The following LGR5 variants were observed in gnomAD, a reference collection of about 807,000 sequenced individuals.
The protein encoded by LGR5 is leucine rich repeat containing G protein-coupled receptor 5.
In LGR5, 54 loss-of-function variants were observed where a neutral mutation model predicts 76.7. The observed-to-expected ratio is 0.70, with a 90% CI of 0.57 to 0.88. The LOEUF (loss-of-function observed/expected upper bound fraction) is 0.88. Ranked by LOEUF, LGR5 falls within the 40% of genes least tolerant of loss-of-function variation. LGR5 has a pLI of 0.00. For synonymous variants in LGR5, 406 were observed against 421.9 expected (o/e 0.96, Z 0.46); for missense variants, 1,078 against 1,073.3 (o/e 1.00, Z -0.06).
At chr12:71,568,586 C>T (rs1349685623) in intron 11 of LGR5, among the ~76,000 whole-genome samples, 1 of 152,118 alleles carries the variant, frequency 6.6e-6, no homozygotes, top group East Asian at 1.9e-4. Context: ...AGCATTTTCA[C>T]CTATAATATT....
chr12:71,522,578 A>T (rs1186755535), intron 2 of LGR5, among the ~76,000 whole-genome samples: 2 of 152,170 alleles, frequency 1.3e-5, no homozygotes, highest in Non-Finnish European at 2.9e-5. Flanking sequence ...TTATAAAACA[A>T]TACTTCAGCC....
chr12:71,489,517 T>G (rs1030003114), intron 1 of LGR5, among the ~76,000 whole-genome samples: 1 of 152,216 alleles, frequency 6.6e-6, no homozygotes, highest in Non-Finnish European at 1.5e-5. Flanking sequence ...TTGCATATTT[T>G]AACAATTTCA....
At position 71,507,991 on chromosome 12, in the gene LGR5, C is replaced by A. The variant is rs187381035; in HGVS notation, c.284+3306C>A. On this transcript the variant is annotated intron_variant, in intron 2 of 17. Coordinates refer to ENST00000266674, the MANE Select transcript of LGR5 (RefSeq NM_003667.4). ...ATCCCAGCACTTTCGGAGGCCAAGG[C>A]GGGCAGATCACGAGTTCAGGAGATC... is the stretch of plus-strand genomic sequence containing the variant. Among the ~76,000 whole-genome samples the A allele has an allele frequency of 2.0e-5, 3 of 150,452 alleles. 1 individual carries two copies. Among genetic ancestry groups the A allele is most frequent in the South Asian group, 4.2e-4 (2 of 4,740 alleles).
intron 1 of LGR5, among the ~76,000 whole-genome samples, chr12:71,462,234 C>T (rs1872711791): frequency 6.6e-6 from 1 of 152,156 alleles, no homozygotes; most frequent in Non-Finnish European, 1.5e-5. Context: ...TCATACCCAG[C>T]TGTGCTCCAA....
intron 1 of LGR5, among the ~76,000 whole-genome samples, chr12:71,493,194 C>T (rs1262665580): frequency 6.6e-6 from 1 of 151,318 alleles, no homozygotes; most frequent in Non-Finnish European, 1.5e-5. Context: ...TCGTTTCCAG[C>T]AGTTTTTCGG....
intron 1 of LGR5, among the ~76,000 whole-genome samples, chr12:71,486,919 A>C (rs1400846788): frequency 1.3e-5 from 2 of 152,184 alleles, no homozygotes; most frequent in Non-Finnish European, 2.9e-5. Flanking sequence ...CTCCTTTATG[A>C]GGGCCACTTC....
rs377443310 is a variant in LGR5, at chr12:71,504,568, T to C, written c.213-46T>C. On this transcript the variant is annotated intron_variant, in intron 1 of 17. Transcript: ENST00000266674. ...TGAATTGAACAGCTGGATTTCCTTG[T>C]GGTGGCATTTGCTGCTCCTCACACG... The C allele has an allele frequency of 1.1e-5, 16 of 1,419,932 alleles. No homozygotes were observed. The African/African-American group carries it at 2.1e-4, about 19-fold the overall frequency. The allele number at this position is 1,419,932 out of a possible 1,614,324, so 88.0% of individuals were successfully genotyped here.
chr12:71,505,559 C>A (rs185865894), intron 2 of LGR5, among the ~76,000 whole-genome samples: 1 of 152,148 alleles, frequency 6.6e-6, no homozygotes, highest in East Asian at 1.9e-4. Flanking sequence ...AAGTCAGAGT[C>A]CAATTTGGGG....
intron 4 of LGR5, among the ~76,000 whole-genome samples, chr12:71,550,598 C>T (rs917246239): frequency 2.0e-5 from 3 of 151,732 alleles, no homozygotes; most frequent in Admixed American, 6.6e-5. Context: ...GTAGCTGGGA[C>T]TACAGATGTG....
chr12:71,508,232 C>T (rs1202405501), intron 2 of LGR5, among the ~76,000 whole-genome samples: 1 of 151,740 alleles, frequency 6.6e-6, no homozygotes, highest in African/African-American at 2.4e-5. Context: ...GTCTCAAAAA[C>T]AAACAAAAAA....
Position 71,566,859 on chromosome 12 carries a change from G to A in LGR5, c.1017G>A (p.Gln339=). The change falls in exon 11 of 18, where the codon CAG becomes CAA. Residue 339 remains glutamine, a synonymous_variant. Coordinates refer to ENST00000266674, the MANE Select transcript of LGR5 (RefSeq NM_003667.4). ...NLESLTLTGA[Q]ISSLPQTVCN... ...TTAACAGGACTTTAACTGGAGCACA[G>A]ATCTCATCTCTTCCTCAAACCGTCT... 1 of 1,613,754 alleles carries A rather than the reference G, an allele frequency of 6.2e-7. No homozygotes were observed. The highest frequency in any genetic ancestry group is 8.5e-7 in the Non-Finnish European group (1 of 1,179,686).
At chr12:71,460,340 G>C (rs1872639041) in intron 1 of LGR5, among the ~76,000 whole-genome samples, 1 of 152,118 alleles carries the variant, frequency 6.6e-6, no homozygotes, top group Non-Finnish European at 1.5e-5. Flanking sequence ...GGAGAAGTTG[G>C]CTAAACTTAC....
intron 1 of LGR5, among the ~76,000 whole-genome samples, chr12:71,443,992 T>A (rs1871878250): frequency 6.6e-6 from 1 of 151,960 alleles, no homozygotes; most frequent in Non-Finnish European, 1.5e-5. Flanking sequence ...TACACATAAC[T>A]CCTAAAACTA....
At chr12:71,533,643 T>A (rs1876439477) in intron 3 of LGR5, among the ~76,000 whole-genome samples, 1 of 152,198 alleles carries the variant, frequency 6.6e-6, no homozygotes, top group African/African-American at 2.4e-5. Context: ...ACAAAAATTA[T>A]TAGTTTCGAG....
intron 6 of LGR5, 149 bp from the exon 7 acceptor site, chr12:71,559,437 G>A (rs1238469436): frequency 1.2e-5 from 7 of 578,012 alleles, no homozygotes; most frequent in Admixed American, 3.2e-5. Flanking sequence ...TAGTCAGCAA[G>A]CCAAGAAAAT....
chr12:71,584,468 T>C lies in LGR5; in HGVS notation c.2458T>C (p.Tyr820His). 1.9e-6 allele frequency: 3 copies of C among 1,614,170 alleles called. No individual in the cohort carries two copies. Among genetic ancestry groups the C allele is most frequent in the Non-Finnish European group, 2.5e-6 (3 of 1,180,018 alleles). ...PLPACLNPLL[Y>H]ILFNPHFKED... is the part of the protein sequence containing the mutation. ...TCCTGCATGTCTCAATCCCCTTCTC[T>C]ACATCTTGTTCAATCCTCACTTTAA... The change falls in exon 18 of 18, where the codon TAC (tyrosine) becomes CAC (histidine). Residue 820 changes from tyrosine to histidine, a missense_variant. Tyr to His is a moderately conservative substitution (Grantham distance 83). Coordinates refer to ENST00000266674, the MANE Select transcript of LGR5 (RefSeq NM_003667.4).
At chr12:71,490,401 G>T (rs1189529059) in intron 1 of LGR5, among the ~76,000 whole-genome samples, 3 of 152,174 alleles carry the variant, frequency 2.0e-5, no homozygotes, top group African/African-American at 7.2e-5. Flanking sequence ...GTCAATAGTT[G>T]TGATACCACA....
chr12:71,578,886 G>C lies in LGR5; in HGVS notation c.1363G>C (p.Ala455Pro). 1 of 1,611,980 alleles carries C rather than the reference G, an allele frequency of 6.2e-7. No individual in the cohort carries two copies. The highest frequency in any genetic ancestry group is 1.3e-5 in the African/African-American group (1 of 74,966). Residue 455 changes from alanine to proline, a missense_variant, in exon 15 of 18, where the codon GCC becomes CCC. Coordinates refer to ENST00000266674, the MANE Select transcript of LGR5 (RefSeq NM_003667.4). The stretch of plus-strand genomic sequence containing the variant: ...TCACTTAAAATTAACAGGAAATCAT[G>C]CCTTACAGAGCTTGATATCATCTGA... ...LTHLKLTGNH[A>P]LQSLISSENF...
chr12:71,533,166 G>A (rs528863766), intron 3 of LGR5, among the ~76,000 whole-genome samples: 75 of 152,170 alleles, frequency 4.9e-4, no homozygotes, highest in African/African-American at 1.7e-3. Context: ...CCAACATGGT[G>A]AAACCCCATC....
Sources: allele counts gnomAD v4.1 joint callset (sites outside exome capture counted in the v4.1 genomes callset), GRCh38; gene constraint gnomAD v4.1.1; transcripts MANE v1.5; gene names NCBI Gene and HGNC (gene_info 2026-07-23, HGNC 2026-07-21).